EXOC3L2: variants seen among roughly 807,000 people sequenced by gnomAD.
The protein encoded by EXOC3L2 is exocyst complex component 3-like protein 2.
In EXOC3L2, 17 loss-of-function variants were observed where a neutral mutation model predicts 44.4. The ratio of observed to expected loss-of-function variants is 0.38; its 90% confidence interval spans 0.26 to 0.57. The LOEUF is 0.57. Among genes scored for constraint, EXOC3L2 ranks in the 20% least tolerant of loss-of-function variants. EXOC3L2 has a pLI of 0.65. For missense variants in EXOC3L2, 541 were observed against 588.4 expected (o/e 0.92, Z 0.83); for synonymous variants, 256 against 253.7 (o/e 1.01, Z -0.09).
At chr19:45,224,683 AC>A (rs1969935753) in intron 8 of EXOC3L2, 94 bp downstream of exon 8, 1 of 1,441,128 alleles carries the variant, frequency 6.9e-7, no homozygotes, top group African/African-American at 1.5e-5. Context: ...CTTCCCAAAC[AC>A]TGAGCCATGG....
intron 8 of EXOC3L2, among the ~76,000 whole-genome samples, chr19:45,219,360 C>T (rs896284789): frequency 7.3e-6 from 1 of 137,820 alleles, no homozygotes; most frequent in Non-Finnish European, 1.5e-5. Flanking sequence ...TGATACTGCA[C>T]TCCAGCCTGG....
intron 1 of EXOC3L2, among the ~76,000 whole-genome samples, chr19:45,240,446 G>T (rs1424395281): frequency 2.6e-5 from 4 of 152,054 alleles, no homozygotes; most frequent in Admixed American, 6.6e-5. Flanking sequence ...ACAGAAAGGA[G>T]ACTGACAATA....
Position 45,228,045 on chromosome 19 carries a change from G to A in EXOC3L2, c.1401C>T (p.Pro467=). 6.2e-7 allele frequency: 1 copy of A among 1,614,126 alleles called. No homozygotes were observed. Among genetic ancestry groups the A allele is most frequent in the African/African-American group, 1.3e-5 (1 of 75,050 alleles). Residue 467 remains proline, a synonymous_variant, in exon 6 of 12, where the codon CCC becomes CCT. Transcript: ENST00000413988. Reference sequence around the variant, plus strand: ...GCTCCCCAAACTCCTGGCTGATGCGGGGTGCTCGCTCTGTGTGCTCTTCCA... The same window carrying A: ...GCTCCCCAAACTCCTGGCTGATGCGAGGTGCTCGCTCTGTGTGCTCTTCCA... ...ELLEEHTERA[P]RISQEFGERM...
At chr19:45,215,497 G>A (rs1169552984) in intron 11 of EXOC3L2, among the ~76,000 whole-genome samples, 2 of 152,030 alleles carry the variant, frequency 1.3e-5, no homozygotes, top group Non-Finnish European at 2.9e-5. Flanking sequence ...AAGTTGGCAT[G>A]TAAGATGCTT....
chr19:45,215,807 A>G (rs346756), intron 11 of EXOC3L2, among the ~76,000 whole-genome samples: 142,207 of 152,264 alleles, frequency 0.93, 66,537 homozygotes, highest in African/African-American at 0.98. Flanking sequence ...TCCTGCCTCC[A>G]GGCAGCCCTG....
intron 8 of EXOC3L2, among the ~76,000 whole-genome samples, chr19:45,221,688 C>T (rs1969900018): frequency 6.8e-6 from 1 of 146,506 alleles, no homozygotes; most frequent in South Asian, 2.2e-4. Context: ...TGCACTGTCT[C>T]CCAGGCTGGA....
chr19:45,236,194 G>A (rs1970082757), intron 2 of EXOC3L2, among the ~76,000 whole-genome samples: 1 of 152,166 alleles, frequency 6.6e-6, no homozygotes, highest in East Asian at 1.9e-4. Context: ...TGTGAAGGCC[G>A]AGTGCGGTGG....
chr19:45,227,934 A>G (rs1568482346), intron 6 of EXOC3L2, 40 bp downstream of exon 6: 1 of 1,597,930 alleles, frequency 6.3e-7, no homozygotes, highest in Non-Finnish European at 8.5e-7. Context: ...CTGATGCCCA[A>G]CCCCCAGCAG....
chr19:45,224,542 G>A (rs1969933926), intron 8 of EXOC3L2, among the ~76,000 whole-genome samples: 1 of 152,050 alleles, frequency 6.6e-6, no homozygotes, highest in Admixed American at 6.5e-5. Context: ...GACCTCAGTG[G>A]GGAGGGGCTC....
intron 7 of EXOC3L2, among the ~76,000 whole-genome samples, chr19:45,226,720 G>GCCACTGT (rs1033550167): frequency 2.1e-5 from 3 of 145,370 alleles, no homozygotes; most frequent in African/African-American, 7.8e-5. Flanking sequence ...ACAGGTGTGA[G>GCCACTGT]CCACTGTGCC....
intron 3 of EXOC3L2, 71 bp from the exon 4 acceptor site, chr19:45,231,945 C>T (rs1970036709): frequency 2.2e-6 from 2 of 928,054 alleles, no homozygotes; most frequent in South Asian, 3.7e-5. Flanking sequence ...TTCCCCACAC[C>T]CTCCTACCCA....
At chr19:45,223,959 A>G (rs967893162) in intron 8 of EXOC3L2, among the ~76,000 whole-genome samples, 2 of 151,876 alleles carry the variant, frequency 1.3e-5, no homozygotes, top group Non-Finnish European at 2.9e-5. Flanking sequence ...GTGCCATTCC[A>G]CTCCAGCCTG....
chr19:45,221,326 G>C (rs1374131268), intron 8 of EXOC3L2, among the ~76,000 whole-genome samples: 1 of 151,786 alleles, frequency 6.6e-6, no homozygotes, highest in East Asian at 1.9e-4. Context: ...TTACAGGTGA[G>C]AGCCACCATG....
intron 2 of EXOC3L2, among the ~76,000 whole-genome samples, chr19:45,237,184 T>C (rs1220661663): frequency 6.6e-6 from 1 of 151,836 alleles, no homozygotes; most frequent in Admixed American, 6.6e-5. Context: ...GCCATGGTGT[T>C]GGACATAGAC....
At chr19:45,225,574 G>A (rs927123710) in intron 7 of EXOC3L2, among the ~76,000 whole-genome samples, 3 of 147,972 alleles carry the variant, frequency 2.0e-5, no homozygotes, top group Non-Finnish European at 4.5e-5. Context: ...GGCCAAGTCT[G>A]GGGTTCTAAT....
intron 8 of EXOC3L2, among the ~76,000 whole-genome samples, chr19:45,223,239 T>C (rs1217301379): frequency 2.0e-5 from 3 of 152,014 alleles, no homozygotes; most frequent in African/African-American, 7.2e-5. Flanking sequence ...AATACAAAAA[T>C]TAGCATGGTG....
intron 1 of EXOC3L2, among the ~76,000 whole-genome samples, 155 bp from the exon 2 acceptor site, chr19:45,239,216 CTTT>C (rs34721897): frequency 4.1e-5 from 5 of 122,608 alleles, no homozygotes; most frequent in Non-Finnish European, 3.3e-5. Context: ...AAGATGGGGA[CTTT>C]TTTTTTTTTT....
intron 4 of EXOC3L2, among the ~76,000 whole-genome samples, chr19:45,230,304 C>T (rs552763211): frequency 6.6e-5 from 10 of 152,250 alleles, no homozygotes; most frequent in East Asian, 1.9e-4. Context: ...CTGCAAGCTC[C>T]GTCTCCCGGG....
intron 7 of EXOC3L2, among the ~76,000 whole-genome samples, chr19:45,226,813 C>A (rs368614733): frequency 1.5e-5 from 2 of 134,150 alleles, no homozygotes; most frequent in South Asian, 2.4e-4. Context: ...AGTGTAGTGG[C>A]GCGATCTCAG....
Sources: allele counts gnomAD v4.1 joint callset (sites outside exome capture counted in the v4.1 genomes callset), GRCh38; gene constraint gnomAD v4.1.1; transcripts MANE v1.5; gene names NCBI Gene and HGNC (gene_info 2026-07-23, HGNC 2026-07-21).